Variants in ATXN8OS observed in about 807,000 individuals in gnomAD.
ATXN8OS encodes the protein ATXN8 opposite strand (non-protein coding).
chr13:70,132,997 G>T (rs1344767720), intron 3 of ATXN8OS, among the ~76,000 whole-genome samples: 2 of 152,138 alleles, frequency 1.3e-5, no homozygotes, highest in Non-Finnish European at 2.9e-5. Context: ...TCTACAGCCA[G>T]GGTTGGGACT....
exon 5 of ATXN8OS, among the ~76,000 whole-genome samples, chr13:70,170,385 T>G (rs1021448002): frequency 6.6e-6 from 1 of 152,094 alleles, no homozygotes; most frequent in African/African-American, 2.4e-5. Context: ...ATCTGGGAAG[T>G]GTTTATATGC....
Position 70,146,350 on chromosome 13 carries a change from GT to G in ATXN8OS, n.500-1004del, listed in dbSNP as rs1394430590. Among the ~76,000 whole-genome samples, 10 of 150,806 alleles carry G rather than the reference GT, an allele frequency of 6.6e-5. No homozygotes were observed. In the East Asian group the frequency reaches 1.6e-3, roughly 24 times the overall value. ...ACTAGTTCAACCATTGTGGAAGTCA[GT>G]GTGGCGATTCTTCAGGGATCTAGAA... On this transcript the variant is annotated intron_variant and non_coding_transcript_variant, in intron 3 of 4. Transcript: ENST00000678624.
chr13:70,160,980 G>C (rs368372230), intron 4 of ATXN8OS, among the ~76,000 whole-genome samples: 2 of 151,148 alleles, frequency 1.3e-5, no homozygotes, highest in Non-Finnish European at 3.0e-5. Flanking sequence ...ATGTGTTTAA[G>C]ATGTTATTAT....
chr13:70,166,282 T>A (rs930314059), intron 4 of ATXN8OS, among the ~76,000 whole-genome samples: 2 of 152,072 alleles, frequency 1.3e-5, no homozygotes, highest in African/African-American at 2.4e-5. Context: ...AAGGCTACAG[T>A]AACCAAAACA....
intron 3 of ATXN8OS, among the ~76,000 whole-genome samples, chr13:70,139,993 A>C (rs1888687535): frequency 6.6e-6 from 1 of 152,148 alleles, no homozygotes; most frequent in South Asian, 2.1e-4. Context: ...CATACACCAA[A>C]AAATAAAAAA....
At position 70,143,268 on chromosome 13, in the gene ATXN8OS, T is replaced by A. The variant is rs185553440; in HGVS notation, n.500-4087T>A. ...TGGATTTAATCTAAATTTCCTCAAG[T>A]GAATTTCCCTCTCCTTTTCCTTTCC... On this transcript the variant is annotated intron_variant and non_coding_transcript_variant, in intron 3 of 4. Transcript: ENST00000678624. Among the ~76,000 whole-genome samples the A allele has an allele frequency of 7.2e-5, 11 of 152,302 alleles. No homozygotes were observed. The East Asian group carries it at 2.1e-3, about 29-fold the overall frequency.
intron 4 of ATXN8OS, among the ~76,000 whole-genome samples, chr13:70,168,994 G>GTCAC (rs1228843566): frequency 6.6e-6 from 1 of 152,064 alleles, no homozygotes; most frequent in Non-Finnish European, 1.5e-5. Context: ...AACCAGTAAT[G>GTCAC]TCACTGATGC....
At chr13:70,150,966 A>T (rs1754539053) in intron 4 of ATXN8OS, among the ~76,000 whole-genome samples, 1 of 152,116 alleles carries the variant, frequency 6.6e-6, no homozygotes, top group South Asian at 2.1e-4. Flanking sequence ...ATTTTTTTAA[A>T]AAACAGCTTT....
At chr13:70,149,618 C>T (rs1435742428) in intron 4 of ATXN8OS, among the ~76,000 whole-genome samples, 2 of 152,072 alleles carry the variant, frequency 1.3e-5, no homozygotes, top group East Asian at 3.9e-4. Context: ...AGTCAGAAGA[C>T]ATTTACTTAA....
intron 3 of ATXN8OS, among the ~76,000 whole-genome samples, chr13:70,144,214 G>A (rs1475517373): frequency 6.6e-6 from 1 of 151,978 alleles, no homozygotes; most frequent in South Asian, 2.1e-4. Context: ...TATCACATAT[G>A]CACTGTCTCT....
chr13:70,160,379 C>T (rs940157812), intron 4 of ATXN8OS, among the ~76,000 whole-genome samples: 2 of 151,868 alleles, frequency 1.3e-5, no homozygotes, highest in Non-Finnish European at 2.9e-5. Context: ...ATGTATTTCT[C>T]ACAGCTCCAG....
intron 4 of ATXN8OS, among the ~76,000 whole-genome samples, chr13:70,167,621 T>G (rs1382041454): frequency 6.7e-6 from 1 of 149,416 alleles, no homozygotes; most frequent in African/African-American, 2.4e-5. Flanking sequence ...GTAACTAACC[T>G]GCACGTTGTG....
At chr13:70,128,506 T>C (rs139407239) in intron 2 of ATXN8OS, among the ~76,000 whole-genome samples, 202 of 151,776 alleles carry the variant, frequency 1.3e-3, no homozygotes, top group African/African-American at 4.5e-3. Context: ...ACTTTAGAGG[T>C]AGCATTAAGA....
At position 70,153,569 on chromosome 13, in the gene ATXN8OS, C is replaced by CA. The variant is rs1278140842; in HGVS notation, n.573+6148dup. Among the ~76,000 whole-genome samples the CA allele has an allele frequency of 5.3e-5, 8 of 151,682 alleles. 1 individual carries two copies. The South Asian group carries it at 1.2e-3, about 24-fold the overall frequency. On this transcript the variant is annotated intron_variant and non_coding_transcript_variant, in intron 4 of 4. Coordinates refer to ENST00000678624, the Ensembl canonical transcript of ATXN8OS. ...CAGCCCGGGCAACAGTGAGAGACTG[C>CA]AAAAAAATAAAAATAAATAAAAATA... is the stretch of plus-strand genomic sequence containing the variant.
intron 1 of ATXN8OS, among the ~76,000 whole-genome samples, chr13:70,113,178 C>T (rs1888222565): frequency 6.6e-6 from 1 of 151,764 alleles, no homozygotes; most frequent in Non-Finnish European, 1.5e-5. Flanking sequence ...TCTTGGCCTC[C>T]CAAAGTGCTG....
In ATXN8OS at chr13:70,112,920, A is replaced by ATATATTTTTT. The variant is rs1555298511; in HGVS notation, n.241-2220_241-2219insATATTTTTTT. Reference sequence around the variant, plus strand: ...ACTGCTGAGGGACTTTATATATATAATTTTTTTTTTTTTTTTTTTTGAGAT... The same window carrying ATATATTTTTT: ...ACTGCTGAGGGACTTTATATATATAATATATTTTTTTTTTTTTTTTTTTTTTTTTTGAGAT... On this transcript the variant is annotated intron_variant and non_coding_transcript_variant, in intron 1 of 4. Coordinates refer to ENST00000678624, the Ensembl canonical transcript of ATXN8OS. Among the ~76,000 whole-genome samples the ATATATTTTTT allele has an allele frequency of 1.0e-3, 89 of 87,530 alleles. 4 individuals carry two copies. Among genetic ancestry groups the ATATATTTTTT allele is most frequent in the Non-Finnish European group, 1.3e-3 (58 of 45,960 alleles). The allele number at this position is 87,530 out of a possible 152,430, so 57.4% of individuals were successfully genotyped here.
intron 4 of ATXN8OS, among the ~76,000 whole-genome samples, chr13:70,151,063 C>T (rs768354409): frequency 6.6e-6 from 1 of 152,002 alleles, no homozygotes; most frequent in Non-Finnish European, 1.5e-5. Flanking sequence ...ACTGGTGAAA[C>T]CATCGCTACA....
intron 4 of ATXN8OS, among the ~76,000 whole-genome samples, chr13:70,152,714 C>G (rs547331416): frequency 6.6e-6 from 1 of 152,034 alleles, no homozygotes; most frequent in African/African-American, 2.4e-5. Context: ...TAGTTATTAT[C>G]TCTGTTTCAA....
intron 2 of ATXN8OS, among the ~76,000 whole-genome samples, chr13:70,120,308 T>C (rs1464815366): frequency 6.6e-6 from 1 of 152,142 alleles, no homozygotes; most frequent in Non-Finnish European, 1.5e-5. Context: ...AGAACTACTA[T>C]ACAAAAAATA....
Sources: gnomAD v4.1 joint callset for allele counts (sites outside exome capture counted in the v4.1 genomes callset) on GRCh38, gnomAD v4.1.1 for gene constraint, MANE v1.5 for transcripts, NCBI Gene and HGNC (gene_info 2026-07-23, HGNC 2026-07-21) for gene names.